The following SYNPR variants were observed in gnomAD, a reference collection of about 807,000 sequenced individuals.
SYNPR encodes synaptoporin.
In SYNPR, 23 loss-of-function variants were observed where a neutral mutation model predicts 32.9. The ratio of observed to expected loss-of-function variants is 0.70; its 90% CI spans 0.50 to 0.99. The LOEUF (loss-of-function observed/expected upper bound fraction) is 0.99. SYNPR is among the 50% of genes least tolerant of loss of function. The probability of loss-of-function intolerance (pLI) is 0.00; values close to 1 mark genes in which losing one functional copy is unlikely to be tolerated. For missense variants in SYNPR, 318 were observed against 349.3 expected (o/e 0.91, Z 0.71); for synonymous variants, 146 against 135.9 (o/e 1.07, Z -0.52).
intron 2 of SYNPR, among the ~76,000 whole-genome samples, chr3:63,333,189 T>C (rs2087248716): frequency 6.6e-6 from 1 of 152,210 alleles, no homozygotes; most frequent in South Asian, 2.1e-4. Context: ...CTTTTGAATC[T>C]GATGAACTCT....
chr3:63,210,078 A>G, the SYNPR span, among the ~76,000 whole-genome samples: 1 of 152,182 alleles, frequency 6.6e-6, no homozygotes, highest in African/African-American at 2.4e-5. Flanking sequence ...TCAAGTGAAT[A>G]TAATTGTGGA....
At chr3:63,254,778 T>A (rs576982197) in intron 2 of SYNPR, among the ~76,000 whole-genome samples, 1 of 152,134 alleles carries the variant, frequency 6.6e-6, no homozygotes, top group East Asian at 1.9e-4. Flanking sequence ...GGACACAGAG[T>A]CTTTAAAGAG....
At chr3:63,449,232 T>G (rs867092073) in intron 2 of SYNPR, among the ~76,000 whole-genome samples, 5 of 152,262 alleles carry the variant, frequency 3.3e-5, no homozygotes, top group Admixed American at 1.3e-4. Flanking sequence ...TATTATCTGG[T>G]TTTTTGTGGG....
intron 2 of SYNPR, among the ~76,000 whole-genome samples, chr3:63,405,765 G>A (rs1403821252): frequency 2.6e-5 from 4 of 152,166 alleles, no homozygotes; most frequent in Non-Finnish European, 5.9e-5. Flanking sequence ...CCAGAGGATA[G>A]AAGAGCATAA....
the SYNPR span, among the ~76,000 whole-genome samples, chr3:63,206,286 G>A: frequency 6.6e-6 from 1 of 152,260 alleles, no homozygotes; most frequent in South Asian, 2.1e-4. Flanking sequence ...GATTTCTCCA[G>A]GGGACATTTG....
intron 1 of SYNPR, among the ~76,000 whole-genome samples, chr3:63,238,408 G>A (rs575224784): frequency 2.0e-5 from 3 of 151,630 alleles, no homozygotes; most frequent in East Asian, 3.9e-4. Flanking sequence ...TGATTGGTTC[G>A]GGCTTTCTTT....
At chr3:63,584,637 G>A (rs187509965) in intron 4 of SYNPR, among the ~76,000 whole-genome samples, 8 of 152,200 alleles carry the variant, frequency 5.3e-5, no homozygotes, top group South Asian at 4.2e-4. Flanking sequence ...AATCGGGTCC[G>A]TGGGTAATAT....
intron 3 of SYNPR, among the ~76,000 whole-genome samples, chr3:63,549,732 C>T (rs753518582): frequency 5.9e-5 from 9 of 152,116 alleles, no homozygotes; most frequent in African/African-American, 9.7e-5. Flanking sequence ...ACCCTACAAA[C>T]GTAACTAAAA....
intron 2 of SYNPR, among the ~76,000 whole-genome samples, chr3:63,381,960 T>C (rs2087976419): frequency 6.6e-6 from 1 of 152,234 alleles, no homozygotes; most frequent in African/African-American, 2.4e-5. Context: ...GTCAACATTT[T>C]ACCATTTCAA....
intron 3 of SYNPR, among the ~76,000 whole-genome samples, chr3:63,504,868 C>T (rs886944583): frequency 2.0e-5 from 3 of 151,764 alleles, no homozygotes; most frequent in Admixed American, 6.6e-5. Context: ...GCATTAGCCA[C>T]GGTAGGGTCC....
chr3:63,382,901 T>C (rs565167305), intron 2 of SYNPR, among the ~76,000 whole-genome samples: 1 of 152,310 alleles, frequency 6.6e-6, no homozygotes, highest in Non-Finnish European at 1.5e-5. Flanking sequence ...ATTTCCAACA[T>C]TCTGGATTGG....
the SYNPR span, among the ~76,000 whole-genome samples, chr3:63,201,169 T>G: frequency 6.6e-6 from 1 of 152,180 alleles, no homozygotes; most frequent in Admixed American, 6.5e-5. Flanking sequence ...GCTTCAATAT[T>G]GTAACAGATC....
At chr3:63,595,731 A>C (rs1482119503) in intron 4 of SYNPR, among the ~76,000 whole-genome samples, 1 of 25,838 alleles carries the variant, frequency 3.9e-5, no homozygotes, top group Non-Finnish European at 5.6e-5. Context: ...ATATATATAT[A>C]TATATATATA....
chr3:63,416,724 G>A (rs1016539854), intron 2 of SYNPR, among the ~76,000 whole-genome samples: 1 of 152,076 alleles, frequency 6.6e-6, no homozygotes, highest in Non-Finnish European at 1.5e-5. Context: ...ACAAGGAAGA[G>A]CAAGTGACAT....
At chr3:63,371,424 C>T (rs555863886) in intron 2 of SYNPR, among the ~76,000 whole-genome samples, 1 of 152,344 alleles carries the variant, frequency 6.6e-6, no homozygotes, top group Admixed American at 6.5e-5. Context: ...TTTCATGAGG[C>T]TGAGCAGTGA....
At chr3:63,586,884 C>A (rs1026958871) in intron 4 of SYNPR, among the ~76,000 whole-genome samples, 1 of 151,886 alleles carries the variant, frequency 6.6e-6, no homozygotes, top group Admixed American at 6.6e-5. Context: ...CTTCAGATGG[C>A]CCTGCATGTC....
intron 3 of SYNPR, among the ~76,000 whole-genome samples, chr3:63,488,758 T>C (rs1701203259): frequency 6.6e-6 from 1 of 152,194 alleles, no homozygotes; most frequent in African/African-American, 2.4e-5. Context: ...AGACCAAGTA[T>C]GACAGTCCTG....
chr3:63,329,984 T>C (rs1002346695), intron 2 of SYNPR: 5 of 151,906 alleles, frequency 3.3e-5, no homozygotes, highest in Non-Finnish European at 7.3e-5. Context: ...AACCCCTTGT[T>C]CCCAGGGTCT....
intron 3 of SYNPR, among the ~76,000 whole-genome samples, chr3:63,554,176 G>A (rs1415574628): frequency 6.6e-6 from 1 of 152,146 alleles, no homozygotes; most frequent in African/African-American, 2.4e-5. Context: ...CCGTCCTGTA[G>A]GTCTTTTCAT....
Sources: gnomAD v4.1 joint callset for allele counts (sites outside exome capture counted in the v4.1 genomes callset) on GRCh38, gnomAD v4.1.1 for gene constraint, MANE v1.5 for transcripts, NCBI Gene and HGNC (gene_info 2026-07-23, HGNC 2026-07-21) for gene names.